Variants in LYPD6 observed in about 807,000 individuals in gnomAD.
LYPD6 encodes the protein LY6/PLAUR domain containing 6.
In LYPD6, 15 loss-of-function variants were observed where a neutral mutation model predicts 22.7. That is an observed-to-expected ratio of 0.66 (90% CI 0.44 to 1.02). The LOEUF is 1.02. Ranked by LOEUF, LYPD6 falls within the 50% of genes least tolerant of loss-of-function variation. The pLI is 0.00. For synonymous variants in LYPD6, 72 were observed against 77.5 expected, an observed-to-expected ratio of 0.93 and a Z score of 0.37; for missense variants, 189 against 208.4, an observed-to-expected ratio of 0.91 and a Z score of 0.57.
At chr2:149,444,984 A>G (rs2105158397) in intron 2 of LYPD6, among the ~76,000 whole-genome samples, 1 of 152,338 alleles carries the variant, frequency 6.6e-6, no homozygotes, top group South Asian at 2.1e-4. Flanking sequence ...TATGGCAGCT[A>G]TAGGCTTACA....
At chr2:149,467,316 C>G (rs972383495) in intron 3 of LYPD6, among the ~76,000 whole-genome samples, 1 of 152,154 alleles carries the variant, frequency 6.6e-6, no homozygotes, top group African/African-American at 2.4e-5. Context: ...TTGCCACAGA[C>G]TCTGCCCAGG....
In LYPD6 at chr2:149,471,192, G is replaced by A. The variant is rs760943238; in HGVS notation, c.*342G>A. On this transcript the variant is annotated 3_prime_UTR_variant, in exon 5 of 5. Coordinates refer to ENST00000334166, the MANE Select transcript of LYPD6 (RefSeq NM_194317.5). Reference sequence around the variant, plus strand: ...GATGCAGTAGGTCCTGAGACTGTAAGATATTAGGAGTATGTTATAGGGGCA... The same window carrying A: ...GATGCAGTAGGTCCTGAGACTGTAAAATATTAGGAGTATGTTATAGGGGCA... 1 of 186,552 alleles carries A rather than the reference G, an allele frequency of 5.4e-6. No individual in the cohort carries two copies. The highest frequency in any genetic ancestry group is 1.1e-5 in the Non-Finnish European group (1 of 89,354). The allele number at this position is 186,552 out of a possible 1,614,324, so 11.6% of individuals were successfully genotyped here. A position where few individuals can be genotyped will look rare whatever the true frequency, so the allele number is the denominator to read the frequency against.
intron 3 of LYPD6, among the ~76,000 whole-genome samples, chr2:149,462,323 A>G (rs902673655): frequency 1.3e-5 from 2 of 152,020 alleles, no homozygotes; most frequent in African/African-American, 2.4e-5. Context: ...ATAGCATTAT[A>G]TTGCTCAGAA....
At chr2:149,354,760 G>A (rs539774827) in intron 1 of LYPD6, among the ~76,000 whole-genome samples, 1 of 152,272 alleles carries the variant, frequency 6.6e-6, no homozygotes, top group South Asian at 2.1e-4. Flanking sequence ...AAGCCGACAT[G>A]CTTCAAGCTT....
At chr2:149,468,913 C>A in intron 4 of LYPD6, 138 bp downstream of exon 4, 1 of 833,192 alleles carries the variant, frequency 1.2e-6, no homozygotes, top group Non-Finnish European at 1.9e-6. Context: ...TGAAAAGACG[C>A]TTCCTTTCCT....
intron 1 of LYPD6, among the ~76,000 whole-genome samples, chr2:149,390,609 T>C (rs1682286974): frequency 6.6e-6 from 1 of 152,244 alleles, no homozygotes; most frequent in African/African-American, 2.4e-5. Context: ...TCCTCAGTCA[T>C]GTAGGCCCTG....
At chr2:149,475,746 A>G (rs562480437), downstream of LYPD6, among the ~76,000 whole-genome samples, 34 of 152,328 alleles carry the variant, frequency 2.2e-4, 1 homozygote, top group South Asian at 6.8e-3. Flanking sequence ...CCCCAGTAGA[A>G]TGATTTTTCT....
At chr2:149,426,601 A>T (rs965211950) in intron 1 of LYPD6, among the ~76,000 whole-genome samples, 1 of 152,204 alleles carries the variant, frequency 6.6e-6, no homozygotes, top group African/African-American at 2.4e-5. Context: ...CCCAGAATCC[A>T]TGGGACTTGG....
chr2:149,395,671 T>A (rs903404091), intron 1 of LYPD6, among the ~76,000 whole-genome samples: 1 of 152,188 alleles, frequency 6.6e-6, no homozygotes, highest in Non-Finnish European at 1.5e-5. Context: ...AACTATTTTT[T>A]CCCCTCAATT....
At chr2:149,434,127 A>G (rs998204016) in intron 1 of LYPD6, among the ~76,000 whole-genome samples, 1 of 152,182 alleles carries the variant, frequency 6.6e-6, no homozygotes, top group Non-Finnish European at 1.5e-5. Context: ...AGTTCTGCAC[A>G]TAGACATTTG....
At chr2:149,413,017 AT>A (rs1306774293) in intron 1 of LYPD6, among the ~76,000 whole-genome samples, 13 of 151,988 alleles carry the variant, frequency 8.6e-5, no homozygotes, top group African/African-American at 3.1e-4. Flanking sequence ...TTTTTTCCGA[AT>A]TTCTATTGTT....
chr2:149,337,431 C>T (rs1681056760), intron 1 of LYPD6, among the ~76,000 whole-genome samples: 1 of 152,096 alleles, frequency 6.6e-6, no homozygotes, highest in Middle Eastern at 3.2e-3. Context: ...GATCCTCTGG[C>T]TTATTCTCAA....
At chr2:149,462,483 C>T (rs1356394126) in intron 3 of LYPD6, among the ~76,000 whole-genome samples, 3 of 150,744 alleles carry the variant, frequency 2.0e-5, no homozygotes, top group Non-Finnish European at 4.4e-5. Flanking sequence ...TGTCAGTTCT[C>T]TACAGATTGT....
chr2:149,465,789 A>T (rs1171053255), intron 3 of LYPD6, among the ~76,000 whole-genome samples: 2 of 152,128 alleles, frequency 1.3e-5, no homozygotes, highest in African/African-American at 4.8e-5. Flanking sequence ...TAAAAATTAT[A>T]TTTTCCAATT....
intron 2 of LYPD6, among the ~76,000 whole-genome samples, chr2:149,444,268 T>A (rs951978695): frequency 7.9e-5 from 12 of 152,172 alleles, no homozygotes; most frequent in African/African-American, 2.9e-4. Context: ...AAGACTTCAT[T>A]GCTAAAAATG....
chr2:149,333,646 T>A (rs975834486), intron 1 of LYPD6, among the ~76,000 whole-genome samples: 1 of 152,244 alleles, frequency 6.6e-6, no homozygotes, highest in African/African-American at 2.4e-5. Context: ...CTGCTCTAGA[T>A]GCTAGGGATA....
the LYPD6 span, among the ~76,000 whole-genome samples, chr2:149,483,819 G>A: frequency 6.6e-6 from 1 of 151,956 alleles, no homozygotes; most frequent in Non-Finnish European, 1.5e-5. Flanking sequence ...CTTTTTTTCT[G>A]AAATGCTATT....
chr2:149,485,380 G>C, the LYPD6 span, among the ~76,000 whole-genome samples: 1 of 152,194 alleles, frequency 6.6e-6, no homozygotes, highest in South Asian at 2.1e-4. Context: ...TGAGGCTAAA[G>C]GGTTGCAGAT....
intron 3 of LYPD6, among the ~76,000 whole-genome samples, chr2:149,468,001 C>T (rs1681240800): frequency 1.3e-5 from 2 of 152,048 alleles, no homozygotes; most frequent in Non-Finnish European, 2.9e-5. Flanking sequence ...TAGGGAGAAA[C>T]GAAGCTCCTC....
Sources: allele counts gnomAD v4.1 joint callset (sites outside exome capture counted in the v4.1 genomes callset), GRCh38; gene constraint gnomAD v4.1.1; transcripts MANE v1.5; gene names NCBI Gene and HGNC (gene_info 2026-07-23, HGNC 2026-07-21).